PIEZO2: variants seen among roughly 807,000 people sequenced by gnomAD.
The protein encoded by PIEZO2 is piezo type mechanosensitive ion channel component 2, also known as piezo-type mechanosensitive ion channel component 2.
Under a neutral mutation model 337.3 loss-of-function variants are expected in PIEZO2, and 172 were observed. The observed-to-expected ratio is 0.51, with a 90% CI of 0.45 to 0.58. The LOEUF (loss-of-function observed/expected upper bound fraction) is 0.58. Among genes scored for constraint, PIEZO2 ranks in the 20% least tolerant of loss-of-function variants. The pLI is 0.00. For synonymous variants in PIEZO2, 1,251 were observed against 1,228.5 expected (o/e 1.02, Z -0.38); for missense variants, 3,028 against 3,391.3 (o/e 0.89, Z 2.66).
intron 1 of PIEZO2, among the ~76,000 whole-genome samples, chr18:11,138,756 G>C (rs923821345): frequency 1.2e-4 from 19 of 152,208 alleles, no homozygotes; most frequent in African/African-American, 4.1e-4. Context: ...TAATGAGTAT[G>C]CAAAGTGGCG....
At chr18:11,042,268 C>T (rs921864272) in intron 2 of PIEZO2, among the ~76,000 whole-genome samples, 8 of 152,178 alleles carry the variant, frequency 5.3e-5, no homozygotes, top group Non-Finnish European at 1.0e-4. Flanking sequence ...CCCACAGTCT[C>T]AGGAGGAGGG....
At chr18:10,914,885 G>A (rs185004418) in intron 3 of PIEZO2, among the ~76,000 whole-genome samples, 4 of 152,234 alleles carry the variant, frequency 2.6e-5, no homozygotes, top group Admixed American at 1.3e-4. Context: ...TGTCTACCAC[G>A]TGTGTCCAGG....
chr18:11,007,472 C>A (rs559213206), intron 2 of PIEZO2, among the ~76,000 whole-genome samples: 1 of 152,206 alleles, frequency 6.6e-6, no homozygotes, highest in South Asian at 2.1e-4. Flanking sequence ...CCTCATATGC[C>A]TTTCACTCAG....
chr18:10,677,958 T>C lies in PIEZO2; in HGVS notation c.7953-83A>G. On this transcript the variant is annotated intron_variant, in intron 52 of 55. Coordinates refer to ENST00000674853, the MANE Select transcript of PIEZO2 (RefSeq NM_001378183.1). The surrounding 1 kb of genome is among the most constrained non-coding windows in gnomAD (Gnocchi z 4.1). ...ATTTACAACATATTTAACTCTTAATTTGATTAATGTCACCACGTTTTCATT... is the reference window on the plus strand; with the variant it reads ...ATTTACAACATATTTAACTCTTAATCTGATTAATGTCACCACGTTTTCATT... 1.5e-6 allele frequency: 2 copies of C among 1,329,320 alleles called. No homozygotes were observed. The highest frequency in any genetic ancestry group is 1.0e-6 in the Non-Finnish European group (1 of 995,402). 82.3% of individuals were successfully genotyped at this position (1,329,320 alleles called of 1,614,324 possible). A position where few individuals can be genotyped will look rare whatever the true frequency, so the allele number is the denominator to read the frequency against.
chr18:10,733,878 G>A (rs891771807), intron 35 of PIEZO2, among the ~76,000 whole-genome samples: 3 of 152,188 alleles, frequency 2.0e-5, no homozygotes, highest in Non-Finnish European at 2.9e-5. Context: ...AGACCTTTGA[G>A]CTCTCCAAAG....
At chr18:10,924,560 G>C (rs16975571) in intron 3 of PIEZO2, among the ~76,000 whole-genome samples, 16,006 of 152,144 alleles carry the variant, frequency 0.11, 942 homozygotes, top group African/African-American at 0.15. Context: ...CGTGTGCTAA[G>C]GACACAAAAT....
chr18:11,134,090 T>C (rs2040414142), intron 1 of PIEZO2, among the ~76,000 whole-genome samples: 1 of 152,168 alleles, frequency 6.6e-6, no homozygotes, highest in Non-Finnish European at 1.5e-5. Flanking sequence ...GACTTCAGTG[T>C]TGAAAAGACC....
Position 10,673,279 on chromosome 18 carries a change from A to T in PIEZO2, c.8162-406T>A, listed in dbSNP as rs62093930. On this transcript the variant is annotated intron_variant, in intron 54 of 55. Transcript: ENST00000674853. The surrounding 1 kb of genome is among the most constrained non-coding windows in gnomAD (Gnocchi z 4.8). ...ATGTCTCATAGGAGGAAGGCACTCA[A>T]TTAGGTGCTAAAGGGTTCCAAAATT... Among the ~76,000 whole-genome samples, 1 of 152,226 alleles carries T rather than the reference A, an allele frequency of 6.6e-6. No homozygotes were observed. Among genetic ancestry groups the T allele is most frequent in the Non-Finnish European group, 1.5e-5 (1 of 68,042 alleles).
At chr18:10,958,581 A>G in intron 3 of PIEZO2, among the ~76,000 whole-genome samples, 1 of 152,346 alleles carries the variant, frequency 6.6e-6, no homozygotes, top group Middle Eastern at 3.4e-3. Flanking sequence ...TAATGGATAT[A>G]TTAATTAGCT....
At chr18:10,675,672 A>G (rs1483741651) in intron 53 of PIEZO2, among the ~76,000 whole-genome samples, 2 of 152,138 alleles carry the variant, frequency 1.3e-5, no homozygotes, top group African/African-American at 4.8e-5. Flanking sequence ...TTTCAAACAT[A>G]CCTATAATCA....
chr18:11,008,654 T>C (rs575725793), intron 2 of PIEZO2, among the ~76,000 whole-genome samples: 1 of 152,334 alleles, frequency 6.6e-6, no homozygotes, highest in South Asian at 2.1e-4. Context: ...TGGTCCAAAG[T>C]TCCATCTTCT....
chr18:10,675,779 T>C (rs558301749), intron 53 of PIEZO2, among the ~76,000 whole-genome samples: 1 of 152,180 alleles, frequency 6.6e-6, no homozygotes, highest in Non-Finnish European at 1.5e-5. Context: ...TGGCAGATAA[T>C]TGGATGATGG....
intron 23 of PIEZO2, 63 bp from the exon 24 acceptor site, chr18:10,761,174 A>C: frequency 7.2e-7 from 1 of 1,380,754 alleles, no homozygotes; most frequent in Non-Finnish European, 9.9e-7. Flanking sequence ...ATTTCAAGCA[A>C]TCCCCACATT....
At position 11,000,423 on chromosome 18, in the gene PIEZO2, T is replaced by C. The variant is rs372381060; in HGVS notation, c.161-20763A>G. Among the ~76,000 whole-genome samples, 3 of 152,194 alleles carry C rather than the reference T, an allele frequency of 2.0e-5. No individual in the cohort carries two copies. In the East Asian group the frequency reaches 5.8e-4, roughly 29 times the overall value. ...TTATTTAATAACTTTTAAAGGGCTG[T>C]AAAATCTGAAAATGTACCTCACAAT... On this transcript the variant is annotated intron_variant, in intron 2 of 55. Coordinates refer to ENST00000674853, the MANE Select transcript of PIEZO2 (RefSeq NM_001378183.1).
chr18:10,890,182 G>A (rs970520282), intron 4 of PIEZO2, among the ~76,000 whole-genome samples: 4 of 152,190 alleles, frequency 2.6e-5, no homozygotes, highest in Non-Finnish European at 4.4e-5. Context: ...GCCCATACAG[G>A]GGAAGCCAGT....
intron 7 of PIEZO2, among the ~76,000 whole-genome samples, chr18:10,851,313 G>A (rs1004103158): frequency 1.7e-4 from 26 of 151,698 alleles, no homozygotes; most frequent in African/African-American, 5.3e-4. Flanking sequence ...TCCTGTTATC[G>A]GCAAGTTAAT....
intron 4 of PIEZO2, among the ~76,000 whole-genome samples, chr18:10,896,633 C>T (rs1200569289): frequency 6.6e-6 from 1 of 152,178 alleles, no homozygotes; most frequent in Admixed American, 6.5e-5. Context: ...TATGTGAGGC[C>T]TCCCTGACTT....
At chr18:10,921,010 G>A (rs1310742565) in intron 3 of PIEZO2, among the ~76,000 whole-genome samples, 1 of 152,144 alleles carries the variant, frequency 6.6e-6, no homozygotes, top group East Asian at 1.9e-4. Context: ...CCAAGATCCT[G>A]CCATTGGACT....
At position 10,877,695 on chromosome 18, in the gene PIEZO2, T is replaced by A. The variant is rs772474457; in HGVS notation, c.330-6280A>T. Among the ~76,000 whole-genome samples the A allele has an allele frequency of 1.3e-5, 2 of 152,142 alleles. No individual in the cohort carries two copies. Among genetic ancestry groups the A allele is most frequent in the Non-Finnish European group, 2.9e-5 (2 of 68,008 alleles). On this transcript the variant is annotated intron_variant, in intron 4 of 55. Transcript: ENST00000674853. The surrounding 1 kb of genome is among the most constrained non-coding windows in gnomAD (Gnocchi z 5.3). ...CTGGGTGACGGTAGCAGCATCCTGA[T>A]GATTTCATCTCAGGTTGTCCCCTCT...
Sources: gnomAD v4.1 joint callset for allele counts (sites outside exome capture counted in the v4.1 genomes callset) on GRCh38, gnomAD v4.1.1 for gene constraint, Gnocchi (gnomAD v3.1) non-coding constraint, MANE v1.5 for transcripts, NCBI Gene and HGNC (gene_info 2026-07-23, HGNC 2026-07-21) for gene names.